The following RERE variants were observed in gnomAD, a reference collection of about 807,000 sequenced individuals.
The protein encoded by RERE is arginine-glutamic acid dipeptide repeats, also known as arginine-glutamic acid dipeptide repeats protein.
RERE carries 40 observed loss-of-function variants against 146.1 expected under a neutral mutation model. The ratio of observed to expected loss-of-function variants is 0.27; its 90% CI spans 0.21 to 0.36. RERE has a LOEUF of 0.36. RERE is among the 10% of genes least tolerant of loss of function. The pLI, the probability that RERE is intolerant of heterozygous loss-of-function variation, is 1.00. For missense variants in RERE, 1,933 were observed against 2,138.7 expected, an observed-to-expected ratio of 0.90 and a Z score of 1.90; for synonymous variants, 1,003 against 866.0, an observed-to-expected ratio of 1.16 and a Z score of -2.78.
intron 12 of RERE, among the ~76,000 whole-genome samples, chr1:8,402,019 C>T (rs55823627): frequency 0.15 from 22,331 of 152,042 alleles, 2,015 homozygotes; most frequent in South Asian, 0.28. Flanking sequence ...TACAGGCGTG[C>T]GCCACCACAC....
chr1:8,402,744 T>A (rs1253233520), intron 12 of RERE, among the ~76,000 whole-genome samples: 1 of 152,208 alleles, frequency 6.6e-6, no homozygotes, highest in East Asian at 1.9e-4. Context: ...AAGGTTAAAC[T>A]TAGCCTTTTA....
intron 1 of RERE, among the ~76,000 whole-genome samples, chr1:8,679,104 T>C (rs1483852916): frequency 6.6e-6 from 1 of 152,208 alleles, no homozygotes. Flanking sequence ...GAAAGTTCTA[T>C]TCCACAGTGC....
intron 2 of RERE, among the ~76,000 whole-genome samples, chr1:8,638,783 ATTTTT>A (rs34276909): frequency 4.1e-3 from 416 of 100,336 alleles, no homozygotes; most frequent in African/African-American, 0.012. Context: ...ACGAAAAAAA[ATTTTT>A]TTTTTTTTTT....
chr1:8,359,970 C>G lies in RERE; in HGVS notation c.3412G>C (p.Asp1138His). Residue 1138 changes from aspartate (D) to histidine (H), a missense_variant, in exon 19 of 23, where the codon GAC (aspartate) becomes CAC (histidine). Asp to His is a moderately conservative substitution (Grantham distance 81). Coordinates refer to ENST00000400908, the MANE Select transcript of RERE (RefSeq NM_001042681.2). ...CGGGCACACGAGTTGTAGCCCCGGT[C>G]CAGGTGTTTGTAGAACCTGAGAAAA... ...SQSARFYKHLDRGYNSCARTD... is the reference protein window; with the variant it reads ...SQSARFYKHLHRGYNSCARTD... The G allele has an allele frequency of 1.2e-6, 2 of 1,612,872 alleles. No individual in the cohort carries two copies. Among genetic ancestry groups the G allele is most frequent in the Non-Finnish European group, 1.7e-6 (2 of 1,179,998 alleles).
intron 12 of RERE, among the ~76,000 whole-genome samples, chr1:8,390,837 G>A (rs370625577): frequency 1.3e-5 from 2 of 152,160 alleles, no homozygotes; most frequent in African/African-American, 4.8e-5. Flanking sequence ...CAGTGGCTCT[G>A]TGCCAGCGGG....
At chr1:8,651,074 C>CA (rs2124318276) in intron 2 of RERE, among the ~76,000 whole-genome samples, 1 of 151,522 alleles carries the variant, frequency 6.6e-6, no homozygotes, top group African/African-American at 2.4e-5. Flanking sequence ...CAAGCCTGGG[C>CA]AACAGGCTGA....
intron 4 of RERE, among the ~76,000 whole-genome samples, chr1:8,573,793 A>G (rs1646254501): frequency 6.6e-6 from 1 of 152,166 alleles, no homozygotes; most frequent in Non-Finnish European, 1.5e-5. Flanking sequence ...TTTTAGATAA[A>G]GCCATTAACT....
intron 1 of RERE, among the ~76,000 whole-genome samples, chr1:8,668,197 T>C (rs1279740118): frequency 1.3e-5 from 2 of 152,266 alleles, no homozygotes; most frequent in Non-Finnish European, 2.9e-5. Flanking sequence ...TAGTCTGCCA[T>C]GTTCTTTGTT....
chr1:8,510,123 TGTGGTGGCCCA>T (rs1645314648), intron 7 of RERE, among the ~76,000 whole-genome samples: 1 of 151,640 alleles, frequency 6.6e-6, no homozygotes, highest in African/African-American at 2.4e-5. Context: ...GAAGAAGAAA[TGTGGTGGCCCA>T]GTCATCAAGA....
intron 11 of RERE, among the ~76,000 whole-genome samples, chr1:8,454,538 G>T (rs1444384256): frequency 6.6e-6 from 1 of 152,076 alleles, no homozygotes; most frequent in East Asian, 1.9e-4. Context: ...TGGGTGTGGT[G>T]GCTCACGCCT....
At chr1:8,429,243 C>T (rs897082768) in intron 11 of RERE, among the ~76,000 whole-genome samples, 1 of 152,118 alleles carries the variant, frequency 6.6e-6, no homozygotes, top group African/African-American at 2.4e-5. Flanking sequence ...ATCCTTGAAC[C>T]AGGCTGGGAG....
At chr1:8,758,554 GCTAA>G (rs1214731003) in intron 1 of RERE, among the ~76,000 whole-genome samples, 1 of 151,838 alleles carries the variant, frequency 6.6e-6, no homozygotes, top group Non-Finnish European at 1.5e-5. Context: ...ACCACACCTA[GCTAA>G]CTTTTTATTT....
intron 7 of RERE, among the ~76,000 whole-genome samples, chr1:8,509,586 T>A (rs1383656110): frequency 6.6e-6 from 1 of 152,020 alleles, no homozygotes; most frequent in Non-Finnish European, 1.5e-5. Flanking sequence ...GGCGGGAGGA[T>A]CGCTTGAGCC....
At chr1:8,414,014 C>T (rs1244492701) in intron 12 of RERE, among the ~76,000 whole-genome samples, 3 of 139,340 alleles carry the variant, frequency 2.2e-5, no homozygotes, top group Non-Finnish European at 4.5e-5. Flanking sequence ...GAGATTGTGC[C>T]ATTGCACTCC....
chr1:8,373,865 T>C lies in RERE; in HGVS notation c.1285-7891A>G, dbSNP rs1044296003. ...AGGAGCAGCCACCTTCTACAGATCT[T>C]TTTCCAGGAGGCAACCGGTTGTCTT... On this transcript the variant is annotated intron_variant, in intron 12 of 22. Coordinates refer to ENST00000400908, the MANE Select transcript of RERE (RefSeq NM_001042681.2). Among the ~76,000 whole-genome samples the C allele has an allele frequency of 2.2e-4, 34 of 152,188 alleles. 1 individual carries two copies. Among genetic ancestry groups the C allele is most frequent in the Non-Finnish European group, 3.5e-4 (24 of 68,042 alleles).
intron 12 of RERE, among the ~76,000 whole-genome samples, chr1:8,391,785 C>T (rs1642890033): frequency 6.6e-6 from 1 of 152,138 alleles, no homozygotes; most frequent in African/African-American, 2.4e-5. Flanking sequence ...CCTGTAATTC[C>T]AGCACTTTGG....
intron 7 of RERE, chr1:8,511,881 A>T (rs1645341009): frequency 6.7e-6 from 1 of 149,584 alleles, no homozygotes; most frequent in African/African-American, 2.5e-5. Context: ...TGGAAAAAGC[A>T]CCCCCATGAG....
chr1:8,466,110 C>T (rs538594140), intron 10 of RERE, 87 bp from the exon 11 acceptor site: 1 of 1,095,562 alleles, frequency 9.1e-7, no homozygotes, highest in South Asian at 1.5e-5. Flanking sequence ...CATTGACTAT[C>T]TCCCACAGAA....
intron 1 of RERE, among the ~76,000 whole-genome samples, chr1:8,668,434 C>G (rs1638627646): frequency 6.6e-6 from 1 of 152,102 alleles, no homozygotes; most frequent in South Asian, 2.1e-4. Context: ...CTGGTGTCCA[C>G]AAATGCCAAG....
Sources: gnomAD v4.1 joint callset for allele counts (sites outside exome capture counted in the v4.1 genomes callset) on GRCh38, gnomAD v4.1.1 for gene constraint, MANE v1.5 for transcripts, NCBI Gene and HGNC (gene_info 2026-07-23, HGNC 2026-07-21) for gene names.